Variants in AUTS2 observed in about 807,000 individuals in gnomAD.
AUTS2 encodes activator of transcription and developmental regulator AUTS2, also known as autism susceptibility gene 2 protein.
AUTS2 carries 17 observed loss-of-function variants against 112.4 expected under a neutral mutation model. The observed-to-expected ratio is 0.15, with a 90% CI of 0.10 to 0.23. The LOEUF (loss-of-function observed/expected upper bound fraction) is 0.23. AUTS2 is among the 10% of genes least tolerant of loss of function. The pLI, the probability that AUTS2 is intolerant of heterozygous loss-of-function variation, is 1.00. For missense variants in AUTS2, 1,510 were observed against 1,701.6 expected (o/e 0.89, Z 1.98); for synonymous variants, 751 against 702.7 (o/e 1.07, Z -1.09).
chr7:70,518,905 T>C (rs2129494437), intron 5 of AUTS2, among the ~76,000 whole-genome samples: 1 of 152,106 alleles, frequency 6.6e-6, no homozygotes, highest in Admixed American at 6.5e-5. Flanking sequence ...GGTTTTACCA[T>C]GTTGGCCAGG....
At chr7:70,259,601 C>A (rs933889778) in intron 4 of AUTS2, among the ~76,000 whole-genome samples, 3 of 152,188 alleles carry the variant, frequency 2.0e-5, no homozygotes, top group Non-Finnish European at 2.9e-5. Flanking sequence ...TATGCCAAAG[C>A]CTTTGACAGA....
chr7:70,198,406 A>G (rs191685245), intron 4 of AUTS2, among the ~76,000 whole-genome samples: 1 of 152,154 alleles, frequency 6.6e-6, no homozygotes, highest in East Asian at 1.9e-4. Context: ...CTACGGGATA[A>G]CATTCAAACC....
chr7:70,213,289 G>C (rs1307185850), intron 4 of AUTS2, among the ~76,000 whole-genome samples: 1 of 151,276 alleles, frequency 6.6e-6, no homozygotes, highest in Non-Finnish European at 1.5e-5. Context: ...TACTTTGTGA[G>C]TCTGAGGCAG....
chr7:70,324,635 A>G (rs1790403826), intron 4 of AUTS2, among the ~76,000 whole-genome samples: 1 of 152,188 alleles, frequency 6.6e-6, no homozygotes, highest in Non-Finnish European at 1.5e-5. Context: ...AAAAAAAATA[A>G]TAATTACAGG....
intron 4 of AUTS2, among the ~76,000 whole-genome samples, chr7:70,366,311 A>AAGG (rs1171050077): frequency 3.3e-5 from 5 of 152,150 alleles, no homozygotes; most frequent in Non-Finnish European, 1.5e-5. Flanking sequence ...GAACACAAAG[A>AAGG]AGGACGTAGC....
intron 2 of AUTS2, among the ~76,000 whole-genome samples, chr7:69,966,372 A>G (rs1797636404): frequency 2.0e-5 from 3 of 152,296 alleles, no homozygotes; most frequent in South Asian, 2.1e-4. Flanking sequence ...CTATAATGCT[A>G]TAGTCAGCAG....
chr7:70,191,965 G>A (rs1406983442), intron 4 of AUTS2, among the ~76,000 whole-genome samples: 2 of 151,904 alleles, frequency 1.3e-5, no homozygotes, highest in East Asian at 3.9e-4. Flanking sequence ...TATTCAGGAG[G>A]CTGAGGCAGG....
rs945195195 is a variant in AUTS2 at position 70,718,260 on chromosome 7, G to C, written c.742+19640G>C. On this transcript the variant is annotated intron_variant, in intron 6 of 18. Transcript: ENST00000342771. ...CTGCTTTCTGCCTCCTTCCCCGGCC[G>C]GCCTCCATCCCAGTTCACCTTTTCA... is the stretch of plus-strand genomic sequence containing the variant. 2.0e-5 allele frequency among the ~76,000 whole-genome samples: 3 copies of C among 152,050 alleles called. No individual in the cohort carries two copies. The East Asian group carries it at 5.8e-4, about 29-fold the overall frequency.
chr7:70,039,885 G>C (rs1801169675), intron 2 of AUTS2, among the ~76,000 whole-genome samples: 1 of 152,168 alleles, frequency 6.6e-6, no homozygotes, highest in Admixed American at 6.6e-5. Flanking sequence ...ATCCAGTCTT[G>C]CTGGGTACAG....
chr7:69,968,236 T>G (rs991198317), intron 2 of AUTS2, among the ~76,000 whole-genome samples: 3 of 152,236 alleles, frequency 2.0e-5, no homozygotes, highest in African/African-American at 7.2e-5. Flanking sequence ...AACTAACTGC[T>G]TACTCATTTG....
chr7:69,648,979 A>C (rs984556645), intron 1 of AUTS2, among the ~76,000 whole-genome samples: 1 of 152,178 alleles, frequency 6.6e-6, no homozygotes, highest in South Asian at 2.1e-4. Context: ...AGAGGGTTTA[A>C]TCACTCCAAG....
At chr7:70,526,519 T>C (rs1585255947) in intron 5 of AUTS2, among the ~76,000 whole-genome samples, 1 of 151,838 alleles carries the variant, frequency 6.6e-6, no homozygotes, top group South Asian at 2.1e-4. Flanking sequence ...TAAAAATACA[T>C]AAATTAGCCA....
At chr7:70,011,363 T>A (rs939048630) in intron 2 of AUTS2, among the ~76,000 whole-genome samples, 134 of 141,414 alleles carry the variant, frequency 9.5e-4, no homozygotes, top group African/African-American at 3.5e-3. Context: ...TCCTCTCCTC[T>A]CCCTCATTTT....
intron 2 of AUTS2, among the ~76,000 whole-genome samples, chr7:70,051,533 A>G (rs1433644611): frequency 1.3e-5 from 2 of 152,140 alleles, no homozygotes; most frequent in Non-Finnish European, 2.9e-5. Context: ...CCTGGCCAAC[A>G]TGATGAAACC....
Position 69,755,408 on chromosome 7 carries a change from A to T in AUTS2, c.310-143878A>T, listed in dbSNP as rs144227345. On this transcript the variant is annotated intron_variant, in intron 1 of 18. Coordinates refer to ENST00000342771, the MANE Select transcript of AUTS2 (RefSeq NM_015570.4). Reference sequence around the variant, plus strand: ...AACTAATCATCTTTATTAAGCATACAGATTGGAGGAAGAGTGGGGAGTCTT... The same window carrying T: ...AACTAATCATCTTTATTAAGCATACTGATTGGAGGAAGAGTGGGGAGTCTT... Among the ~76,000 whole-genome samples, 6 of 152,358 alleles carry T rather than the reference A, an allele frequency of 3.9e-5. No homozygotes were observed. The East Asian group carries it at 1.2e-3, about 29-fold the overall frequency.
chr7:70,513,980 A>G (rs564602921), intron 5 of AUTS2, among the ~76,000 whole-genome samples: 3 of 152,242 alleles, frequency 2.0e-5, no homozygotes, highest in African/African-American at 7.2e-5. Flanking sequence ...AAATCACCAT[A>G]GGATTTATTA....
intron 5 of AUTS2, among the ~76,000 whole-genome samples, chr7:70,571,588 C>T (rs569271638): frequency 6.6e-6 from 1 of 152,280 alleles, no homozygotes; most frequent in Non-Finnish European, 1.5e-5. Flanking sequence ...AGACTTTGGC[C>T]CACAAAAGGT....
chr7:70,602,730 T>C (rs38312), intron 5 of AUTS2, among the ~76,000 whole-genome samples: 83,508 of 152,040 alleles, frequency 0.55, 23,905 homozygotes, highest in African/African-American at 0.67. Flanking sequence ...CTTGAACACA[T>C]TCAACACAAA....
intron 5 of AUTS2, among the ~76,000 whole-genome samples, chr7:70,639,253 A>G (rs994035694): frequency 1.1e-4 from 17 of 152,148 alleles, no homozygotes; most frequent in Non-Finnish European, 5.9e-5. Flanking sequence ...CTCAGATAAA[A>G]CCAAATGAAA....
Sources: allele counts gnomAD v4.1 joint callset (sites outside exome capture counted in the v4.1 genomes callset), GRCh38; gene constraint gnomAD v4.1.1; transcripts MANE v1.5; gene names NCBI Gene and HGNC (gene_info 2026-07-23, HGNC 2026-07-21).